Variants in TPH2 observed in about 807,000 individuals in gnomAD.
The protein encoded by TPH2 is tryptophan 5-hydroxylase 2.
Under a neutral mutation model 59.1 loss-of-function variants are expected in TPH2, and 27 were observed. The observed-to-expected ratio is 0.46, with a 90% confidence interval of 0.34 to 0.63. The LOEUF is 0.63. TPH2 is among the 30% of genes least tolerant of loss of function. The pLI, the probability that TPH2 is intolerant of heterozygous loss-of-function variation, is 0.01. For missense variants in TPH2, 523 were observed against 588.3 expected, an observed-to-expected ratio of 0.89 and a Z score of 1.15; for synonymous variants, 220 against 210.5, an observed-to-expected ratio of 1.05 and a Z score of -0.39.
intron 9 of TPH2, among the ~76,000 whole-genome samples, chr12:72,029,676 C>T (rs933392251): frequency 1.3e-5 from 2 of 151,568 alleles, no homozygotes; most frequent in Admixed American, 1.3e-4. Flanking sequence ...TTCTGTGGGC[C>T]AAAAAAAATG....
intron 5 of TPH2, chr12:71,962,397 C>T (rs1034076462): frequency 6.1e-6 from 6 of 985,424 alleles, no homozygotes; most frequent in Non-Finnish European, 7.2e-6. Context: ...TTTACATATG[C>T]TGCTTTCTTT....
intron 5 of TPH2, among the ~76,000 whole-genome samples, chr12:71,956,104 C>A (rs548409954): frequency 7.2e-5 from 11 of 152,270 alleles, no homozygotes; most frequent in African/African-American, 2.4e-4. Flanking sequence ...TTGCAGGAGG[C>A]GTCAGTGTTT....
rs1163055852 is a variant in TPH2 at position 72,031,450 on chromosome 12, C to A, written c.1298+59C>A. ...AACTTTTTATTTTTCTGTCTCTATT[C>A]CTTCCTTTTATCTATCCCTCGTACC... On this transcript the variant is annotated intron_variant, in intron 10 of 10. Transcript: ENST00000333850. The A allele has an allele frequency of 1.4e-5, 22 of 1,612,716 alleles. No individual in the cohort carries two copies. The Admixed American group carries it at 3.2e-4, about 23-fold the overall frequency.
At chr12:71,983,365 A>C (rs536862721) in intron 7 of TPH2, among the ~76,000 whole-genome samples, 9 of 152,300 alleles carry the variant, frequency 5.9e-5, no homozygotes, top group Admixed American at 3.9e-4. Context: ...TGGGTAATGA[A>C]GTTTGCAAAT....
At position 72,017,780 on chromosome 12, in the gene TPH2, C is replaced by T. The variant is rs533540721; in HGVS notation, c.1069-4619C>T. Among the ~76,000 whole-genome samples, 3 of 152,236 alleles carry T rather than the reference C, an allele frequency of 2.0e-5. No individual in the cohort carries two copies. The South Asian group carries it at 6.2e-4, about 32-fold the overall frequency. On this transcript the variant is annotated intron_variant, in intron 8 of 10. Transcript: ENST00000333850. The stretch of plus-strand genomic sequence containing the variant: ...GGAAACCAAATTATATTTTCTTAAA[C>T]GTTCATGAAGCAATTAGTTATCCTC...
intron 7 of TPH2, among the ~76,000 whole-genome samples, chr12:71,985,679 G>A (rs927947812): frequency 6.6e-6 from 1 of 152,194 alleles, no homozygotes; most frequent in Non-Finnish European, 1.5e-5. Context: ...TTACAGGTGT[G>A]AGCCACTGTA....
intron 8 of TPH2, among the ~76,000 whole-genome samples, chr12:72,000,991 A>G (rs1444227512): frequency 6.6e-6 from 1 of 152,216 alleles, no homozygotes; most frequent in Admixed American, 6.5e-5. Flanking sequence ...AGTACATCCC[A>G]TCCTATGATG....
chr12:71,995,138 G>C (rs1484994940), intron 8 of TPH2, among the ~76,000 whole-genome samples: 1 of 152,102 alleles, frequency 6.6e-6, no homozygotes, highest in Non-Finnish European at 1.5e-5. Flanking sequence ...ATTATTCTAA[G>C]TACAAAACCA....
intron 5 of TPH2, among the ~76,000 whole-genome samples, chr12:71,971,069 T>C (rs1871959416): frequency 6.6e-6 from 1 of 152,138 alleles, no homozygotes; most frequent in African/African-American, 2.4e-5. Flanking sequence ...AGCTAGGGGA[T>C]CTGTTTGATA....
intron 9 of TPH2, among the ~76,000 whole-genome samples, chr12:72,026,319 A>G (rs1420383352): frequency 1.3e-5 from 2 of 151,778 alleles, no homozygotes; most frequent in Non-Finnish European, 2.9e-5. Context: ...TTTACTTATT[A>G]TTTTTTGGCT....
intron 1 of TPH2, among the ~76,000 whole-genome samples, chr12:71,940,249 TGAG>T (rs1208076882): frequency 6.6e-6 from 1 of 152,196 alleles, no homozygotes; most frequent in African/African-American, 2.4e-5. Context: ...TGTTGTGTGG[TGAG>T]GAGGAGGCAG....
intron 8 of TPH2, among the ~76,000 whole-genome samples, chr12:72,017,769 A>G (rs951415403): frequency 1.3e-5 from 2 of 152,338 alleles, no homozygotes; most frequent in Admixed American, 6.5e-5. Context: ...ACCAAATTAT[A>G]TTTTCTTAAA....
At chr12:71,952,589 G>C (rs890263828) in intron 5 of TPH2, among the ~76,000 whole-genome samples, 4 of 152,128 alleles carry the variant, frequency 2.6e-5, no homozygotes, top group Non-Finnish European at 5.9e-5. Flanking sequence ...TTACCTAAGA[G>C]AGCTTAGAAT....
chr12:71,955,266 T>C (rs756582083), intron 5 of TPH2, among the ~76,000 whole-genome samples: 7 of 152,204 alleles, frequency 4.6e-5, no homozygotes, highest in Non-Finnish European at 8.8e-5. Context: ...TTTTCTCCTC[T>C]GTAAAATGGA....
intron 7 of TPH2, among the ~76,000 whole-genome samples, chr12:71,991,739 A>C (rs915248386): frequency 2.6e-5 from 4 of 152,210 alleles, no homozygotes; most frequent in African/African-American, 9.6e-5. Flanking sequence ...TAACTGAATC[A>C]AATGCACATG....
chr12:71,965,737 A>G (rs574461667), intron 5 of TPH2, among the ~76,000 whole-genome samples: 23 of 152,212 alleles, frequency 1.5e-4, no homozygotes, highest in African/African-American at 5.1e-4. Context: ...ATAGTTTGCA[A>G]ATATTTTCTC....
At chr12:71,968,450 A>G (rs1871877468) in intron 5 of TPH2, among the ~76,000 whole-genome samples, 1 of 152,078 alleles carries the variant, frequency 6.6e-6, no homozygotes, top group Non-Finnish European at 1.5e-5. Flanking sequence ...GTTCACGTGA[A>G]CCTCAAATTT....
At chr12:71,957,227 A>C (rs1871533346) in intron 5 of TPH2, among the ~76,000 whole-genome samples, 1 of 152,162 alleles carries the variant, frequency 6.6e-6, no homozygotes, top group Non-Finnish European at 1.5e-5. Context: ...GGAGATATTA[A>C]ATCTATGATA....
At position 72,031,967 on chromosome 12, in the gene TPH2, G is replaced by A. The variant is rs1275357422; in HGVS notation, c.*272G>A. ...CCTGCTTAGTGTCCTTAACCAAACT[G>A]CATCTAGTTAAAATTTGTAACAAAT... On this transcript the variant is annotated 3_prime_UTR_variant, in exon 11 of 11. Transcript: ENST00000333850. The A allele has an allele frequency of 2.2e-6, 1 of 447,076 alleles. No individual in the cohort carries two copies. The allele number at this position is 447,076 out of a possible 1,614,324, so 27.7% of individuals were successfully genotyped here. A position where few individuals can be genotyped will look rare whatever the true frequency, so the allele number is the denominator to read the frequency against.
Sources: gnomAD v4.1 joint callset for allele counts (sites outside exome capture counted in the v4.1 genomes callset) on GRCh38, gnomAD v4.1.1 for gene constraint, MANE v1.5 for transcripts, NCBI Gene and HGNC (gene_info 2026-07-23, HGNC 2026-07-21) for gene names.